DARS2: variants seen among roughly 807,000 people sequenced by gnomAD.
DARS2 encodes aspartate--tRNA ligase, mitochondrial.
DARS2 carries 63 observed loss-of-function variants against 83.0 expected under a neutral mutation model. That is an observed-to-expected ratio of 0.76 (90% confidence interval 0.62 to 0.94). The LOEUF is 0.94. DARS2 is among the 40% of genes least tolerant of loss of function. The pLI is 0.00. For synonymous variants in DARS2, 250 were observed against 269.3 expected, an observed-to-expected ratio of 0.93 and a Z score of 0.70; for missense variants, 675 against 774.4, an observed-to-expected ratio of 0.87 and a Z score of 1.52.
At chr1:173,839,248 A>G (rs1455967135) in intron 9 of DARS2, 119 bp from the exon 10 acceptor site, 1 of 850,064 alleles carries the variant, frequency 1.2e-6, no homozygotes, top group African/African-American at 1.7e-5. Context: ...ATGTACAATA[A>G]TATTTATACC....
chr1:173,832,834 T>G (rs942155431), intron 5 of DARS2, among the ~76,000 whole-genome samples: 1 of 151,962 alleles, frequency 6.6e-6, no homozygotes, highest in Admixed American at 6.6e-5. Flanking sequence ...CCATGGAGAT[T>G]CCATCCACTG....
chr1:173,841,792 G>A (rs114696517), intron 11 of DARS2, among the ~76,000 whole-genome samples: 5 of 152,216 alleles, frequency 3.3e-5, no homozygotes, highest in African/African-American at 9.6e-5. Context: ...TAGCAAGACC[G>A]TGTCTCAAAA....
At chr1:173,835,496 G>A (rs897080812) in intron 7 of DARS2, among the ~76,000 whole-genome samples, 2 of 151,444 alleles carry the variant, frequency 1.3e-5, no homozygotes, top group Admixed American at 6.6e-5. Flanking sequence ...CTTGATCCCA[G>A]GAGTTCAAGA....
intron 12 of DARS2, among the ~76,000 whole-genome samples, chr1:173,850,000 G>A (rs1171159250): frequency 2.0e-5 from 3 of 151,202 alleles, no homozygotes; most frequent in Non-Finnish European, 4.4e-5. Flanking sequence ...TAGGATTACA[G>A]GTGCACAGAA....
In DARS2 at chr1:173,831,611, A is replaced by T. The variant is rs1395997099; in HGVS notation, c.473A>T (p.Glu158Val). ...LLNACKKLPF[E>V]IKNFVKKTEA... Reference sequence around the variant, plus strand: ...AATGCCTGCAAGAAGCTGCCCTTTGAAATTAAGAACTTCGTGAAGGTACCA... The same window carrying T: ...AATGCCTGCAAGAAGCTGCCCTTTGTAATTAAGAACTTCGTGAAGGTACCA... The change falls in exon 5 of 17, where the codon GAA becomes GTA. Residue 158 changes from glutamate to valine, a missense_variant. Glu to Val is a moderately radical substitution (Grantham distance 121). Coordinates refer to ENST00000649689, the MANE Select transcript of DARS2 (RefSeq NM_018122.5). The T allele has an allele frequency of 6.2e-7, 1 of 1,613,850 alleles. No homozygotes were observed. The highest frequency in any genetic ancestry group is 8.5e-7 in the Non-Finnish European group (1 of 1,179,836).
In DARS2 at chr1:173,839,476, C is replaced by T; in HGVS notation, c.950C>T (p.Pro317Leu). ...NDKDPVVVPF[P>L]TMTFAEVLAT... is the part of the protein sequence containing the mutation. Reference sequence around the variant, plus strand: ...AAAGATCCTGTGGTTGTTCCTTTTCCTACTATGACTTTTGCTGAGGTGCTG... The same window carrying T: ...AAAGATCCTGTGGTTGTTCCTTTTCTTACTATGACTTTTGCTGAGGTGCTG... The change falls in exon 10 of 17, where the codon CCT becomes CTT. Residue 317 changes from proline to leucine, a missense_variant. Physicochemically the swap from Pro to Leu is moderately conservative, Grantham distance 98. Transcript: ENST00000649689. The T allele has an allele frequency of 6.2e-7, 1 of 1,614,108 alleles. No individual in the cohort carries two copies. Among genetic ancestry groups the T allele is most frequent in the South Asian group, 1.1e-5 (1 of 91,080 alleles).
At chr1:173,827,641 A>G (rs571988572) in intron 2 of DARS2, among the ~76,000 whole-genome samples, 2 of 152,280 alleles carry the variant, frequency 1.3e-5, no homozygotes, top group South Asian at 4.1e-4. Context: ...AGGAAAAAAA[A>G]AAAAGTTTGT....
Position 173,838,199 on chromosome 1 carries a change from G to A in DARS2, c.780G>A (p.Gln260=). Residue 260 remains glutamine (Q), a synonymous_variant, in exon 9 of 17, where the codon CAG becomes CAA. Coordinates refer to ENST00000649689, the MANE Select transcript of DARS2 (RefSeq NM_018122.5). The part of the protein sequence containing the change: ...LMVGGLDRYF[Q]VARCYRDEGS... ...TATTTCTCAATTGTAGATATTTTCA[G>A]GTTGCCCGATGTTATCGAGATGAAG... The A allele has an allele frequency of 6.2e-7, 1 of 1,612,724 alleles. No individual in the cohort carries two copies. Among genetic ancestry groups the A allele is most frequent in the Non-Finnish European group, 8.5e-7 (1 of 1,178,788 alleles).
At chr1:173,855,148 G>C (rs1217147710) in intron 15 of DARS2, among the ~76,000 whole-genome samples, 1 of 151,222 alleles carries the variant, frequency 6.6e-6, no homozygotes, top group African/African-American at 2.4e-5. Flanking sequence ...CTGTCGCCCA[G>C]GCTGGAGTGC....
At chr1:173,828,820 T>A (rs1335555760) in intron 3 of DARS2, among the ~76,000 whole-genome samples, 2 of 152,188 alleles carry the variant, frequency 1.3e-5, no homozygotes, top group African/African-American at 4.8e-5. Flanking sequence ...ATCAAAACTA[T>A]AAATGCATAT....
chr1:173,837,397 G>A (rs1404926647), intron 8 of DARS2, among the ~76,000 whole-genome samples: 1 of 152,174 alleles, frequency 6.6e-6, no homozygotes, highest in Non-Finnish European at 1.5e-5. Flanking sequence ...TTGCAAGTTA[G>A]GTGTTAAGAG....
In DARS2 at chr1:173,838,215, C is replaced by A. The variant is rs149035108; in HGVS notation, c.796C>A (p.Arg266=). 1.2e-6 allele frequency: 2 copies of A among 1,613,576 alleles called. No individual in the cohort carries two copies. Among genetic ancestry groups the A allele is most frequent in the Admixed American group, 3.3e-5 (2 of 60,014 alleles). Residue 266 remains arginine, a synonymous_variant, in exon 9 of 17, where the codon CGA becomes AGA. Coordinates refer to ENST00000649689, the MANE Select transcript of DARS2 (RefSeq NM_018122.5). The part of the protein sequence containing the change: ...DRYFQVARCY[R]DEGSRPDRQP... ...ATATTTTCAGGTTGCCCGATGTTAT[C>A]GAGATGAAGGTTCAAGACCAGACAG...
At chr1:173,853,652 G>A in intron 14 of DARS2, 85 bp downstream of exon 14, 1 of 1,552,038 alleles carries the variant, frequency 6.4e-7, no homozygotes, top group Non-Finnish European at 8.9e-7. Context: ...TGAAAGATAG[G>A]ACCCAGTTCT....
In DARS2 at chr1:173,838,414, CT is replaced by C. The variant is rs111398321; in HGVS notation, c.840+165del. 0.092 allele frequency among the ~76,000 whole-genome samples: 13,763 copies of C among 148,976 alleles called. 2,008 individuals carry two copies. Among genetic ancestry groups the C allele is most frequent in the African/African-American group, 0.31 (12,727 of 40,920 alleles). ...ACCTGCAGTTGAGAAACTAATTATTCTTTTTTTTTTATTCATTTCATGTGTC... is the reference window on the plus strand; with the variant it reads ...ACCTGCAGTTGAGAAACTAATTATTCTTTTTTTTTATTCATTTCATGTGTC... On this transcript the variant is annotated intron_variant, in intron 9 of 16. Transcript: ENST00000649689.
chr1:173,825,216 C>G lies in DARS2; in HGVS notation c.-14C>G. ...GGATTTCGTGATTGTTTTTCGCCAT[C>G]GTGTGGCTCCAACATGTACTTCCCT... On this transcript the variant is annotated 5_prime_UTR_variant, in exon 1 of 17. In the 5' UTR this introduces an upstream ATG that the reference lacks. Coordinates refer to ENST00000649689, the MANE Select transcript of DARS2 (RefSeq NM_018122.5). 1.9e-6 allele frequency: 3 copies of G among 1,610,390 alleles called. No homozygotes were observed. Among genetic ancestry groups the G allele is most frequent in the Non-Finnish European group, 2.5e-6 (3 of 1,177,638 alleles).
intron 12 of DARS2, among the ~76,000 whole-genome samples, chr1:173,845,661 G>A (rs555032510): frequency 2.6e-5 from 4 of 152,120 alleles, no homozygotes; most frequent in South Asian, 2.1e-4. Flanking sequence ...CCTGGGGGTC[G>A]AGGCTACAGT....
chr1:173,849,603 T>C (rs2102658371), intron 12 of DARS2, among the ~76,000 whole-genome samples: 1 of 151,776 alleles, frequency 6.6e-6, no homozygotes, highest in Non-Finnish European at 1.5e-5. Context: ...TAGTTTAGCA[T>C]GAGCAGCAAG....
Position 173,833,506 on chromosome 1 carries a change from GA to G in DARS2, c.616+10del, listed in dbSNP as rs775250699. On this transcript the variant is annotated splice_region_variant and intron_variant, in intron 6 of 16. Coordinates refer to ENST00000649689, the MANE Select transcript of DARS2 (RefSeq NM_018122.5). ...TATCTCTGTAATCTGCATGGTAAGA[GA>G]AATGCCTGGATGCTCTTTGGAGCTT... 8 of 1,614,138 alleles carry G rather than the reference GA, an allele frequency of 5.0e-6. No homozygotes were observed. The South Asian group carries it at 8.8e-5, about 18-fold the overall frequency.
intron 5 of DARS2, among the ~76,000 whole-genome samples, chr1:173,832,330 TAGAA>T (rs1270673260): frequency 1.3e-5 from 2 of 152,192 alleles, no homozygotes; most frequent in African/African-American, 4.8e-5. Flanking sequence ...ATTATCTAAT[TAGAA>T]AGAGCAATGT....
Sources: allele counts gnomAD v4.1 joint callset (sites outside exome capture counted in the v4.1 genomes callset), GRCh38; gene constraint gnomAD v4.1.1; transcripts MANE v1.5; gene names NCBI Gene and HGNC (gene_info 2026-07-23, HGNC 2026-07-21).